The following NET1 variants were observed in gnomAD, a reference collection of about 807,000 sequenced individuals.
NET1 encodes neuroepithelial cell-transforming gene 1 protein.
NET1 carries 42 observed loss-of-function variants against 61.1 expected under a neutral mutation model. The observed-to-expected ratio is 0.69, with a 90% CI of 0.54 to 0.89. The LOEUF (loss-of-function observed/expected upper bound fraction) is 0.89. NET1 is among the 40% of genes least tolerant of loss of function. The pLI, the probability that NET1 is intolerant of heterozygous loss-of-function variation, is 0.00. For synonymous variants in NET1, 254 were observed against 281.8 expected, an observed-to-expected ratio of 0.90 and a Z score of 0.99; for missense variants, 654 against 747.3, an observed-to-expected ratio of 0.88 and a Z score of 1.46.
Position 5,443,563 on chromosome 10 carries a change from T to C in NET1, c.256-8267T>C, listed in dbSNP as rs1168546402. ...GTTTTATGCAGCATTGTGACAAGAC[T>C]CAAGATTCTTGAGTCCAGTTGAACT... On this transcript the variant is annotated intron_variant, in intron 3 of 11. Coordinates refer to ENST00000355029, the MANE Select transcript of NET1 (RefSeq NM_001047160.3). This position sits in a 1 kb window ranked among gnomAD's most constrained non-coding sequence, Gnocchi z 4.8. Among the ~76,000 whole-genome samples the C allele has an allele frequency of 1.3e-5, 2 of 152,180 alleles. No individual in the cohort carries two copies. The highest frequency in any genetic ancestry group is 4.8e-5 in the African/African-American group (2 of 41,440).
At position 5,453,708 on chromosome 10, in the gene NET1, G is replaced by A; in HGVS notation, c.768+148G>A. On this transcript the variant is annotated intron_variant, in intron 8 of 11. Coordinates refer to ENST00000355029, the MANE Select transcript of NET1 (RefSeq NM_001047160.3). This position sits in a 1 kb window ranked among gnomAD's most constrained non-coding sequence, Gnocchi z 4.9. ...ACTGAACAAATTTACAGTGACATAA[G>A]AAGTTACAGTCTGTTTAAAAAAAAA... 1 of 606,304 alleles carries A rather than the reference G, an allele frequency of 1.6e-6. No homozygotes were observed. The highest frequency in any genetic ancestry group is 3.0e-5 in the Admixed American group (1 of 33,392). The allele number at this position is 606,304 out of a possible 1,614,324, so 37.6% of individuals were successfully genotyped here.
chr10:5,418,858 T>A (rs1230576552), intron 1 of NET1, among the ~76,000 whole-genome samples: 1 of 152,236 alleles, frequency 6.6e-6, no homozygotes, highest in Non-Finnish European at 1.5e-5. Context: ...AATTTTGATA[T>A]ATTGTGTCTT....
rs1832634718 is a variant in NET1 at position 5,447,555 on chromosome 10, G to A, written c.256-4275G>A. Among the ~76,000 whole-genome samples, 1 of 152,110 alleles carries A rather than the reference G, an allele frequency of 6.6e-6. No individual in the cohort carries two copies. Among genetic ancestry groups the A allele is most frequent in the Non-Finnish European group, 1.5e-5 (1 of 68,028 alleles). The stretch of plus-strand genomic sequence containing the variant: ...CTTATATGCTAGGAATAGTGTTCCT[G>A]CATTCAGTTAACTGTGTATCTCTTG... On this transcript the variant is annotated intron_variant, in intron 3 of 11. Transcript: ENST00000355029. This position sits in a 1 kb window ranked among gnomAD's most constrained non-coding sequence, Gnocchi z 4.1.
rs2119167229 is a variant in NET1 at position 5,420,155 on chromosome 10, A to T, written c.129-6500A>T. On this transcript the variant is annotated intron_variant, in intron 1 of 11. Coordinates refer to ENST00000355029, the MANE Select transcript of NET1 (RefSeq NM_001047160.3). The surrounding 1 kb of genome is among the most constrained non-coding windows in gnomAD (Gnocchi z 5.3). ...CTGATATTCCCATTATGTGTATTTG[A>T]AGGGAAATATAGCAAATAAAACAAA... Among the ~76,000 whole-genome samples the T allele has an allele frequency of 6.6e-6, 1 of 152,280 alleles. No individual in the cohort carries two copies. Among genetic ancestry groups the T allele is most frequent in the South Asian group, 2.1e-4 (1 of 4,828 alleles).
In NET1 at chr10:5,446,883, G is replaced by A; in HGVS notation, c.256-4947G>A. ...GGTAAGACTTTAAGAGAAACGTTAG[G>A]CAAAAGGAATGTTTTCTAACTCCAC... On this transcript the variant is annotated intron_variant, in intron 3 of 11. Transcript: ENST00000355029. The surrounding 1 kb of genome is among the most constrained non-coding windows in gnomAD (Gnocchi z 5.0). The A allele has an allele frequency of 2.5e-6, 4 of 1,576,514 alleles. No homozygotes were observed. The highest frequency in any genetic ancestry group is 3.5e-6 in the Non-Finnish European group (4 of 1,156,016).
In NET1 at chr10:5,429,180, G is replaced by A. The variant is rs201465257; in HGVS notation, c.206G>A (p.Arg69His). The A allele has an allele frequency of 9.8e-5, 158 of 1,608,236 alleles. No homozygotes were observed. Among genetic ancestry groups the A allele is most frequent in the Non-Finnish European group, 1.3e-4 (150 of 1,176,554 alleles). Reference sequence around the variant, plus strand: ...CTATTTTTCTTTTAGAAAAGAAAACGCAGAGAGAAAGATGATGATGTTGTA... The same window carrying A: ...CTATTTTTCTTTTAGAAAAGAAAACACAGAGAGAAAGATGATGATGTTGTA... ...PNWDFTLKRK[R>H]REKDDDVVSL... is the part of the protein sequence containing the mutation. The change falls in exon 3 of 12, where the codon CGC becomes CAC. Residue 69 changes from arginine (R) to histidine (H), a missense_variant. Coordinates refer to ENST00000355029, the MANE Select transcript of NET1 (RefSeq NM_001047160.3).
In NET1 at chr10:5,427,905, T is replaced by C. The variant is rs964359601; in HGVS notation, c.195+1184T>C. ...TTTAGTGTGAATTTAGTTTTCAACTTGTACACAAAATCTTGGTTCAGATAG... is the reference window on the plus strand; with the variant it reads ...TTTAGTGTGAATTTAGTTTTCAACTCGTACACAAAATCTTGGTTCAGATAG... On this transcript the variant is annotated intron_variant, in intron 2 of 11. Transcript: ENST00000355029. This position sits in a 1 kb window ranked among gnomAD's most constrained non-coding sequence, Gnocchi z 4.1. 3.9e-5 allele frequency among the ~76,000 whole-genome samples: 6 copies of C among 152,216 alleles called. No homozygotes were observed. The highest frequency in any genetic ancestry group is 1.4e-4 in the African/African-American group (6 of 41,456).
At chr10:5,425,978 C>T (rs1832252993) in intron 1 of NET1, among the ~76,000 whole-genome samples, 2 of 151,966 alleles carry the variant, frequency 1.3e-5, no homozygotes, top group Non-Finnish European at 2.9e-5. Context: ...AAACATATGG[C>T]GGCTTATATT....
At position 5,443,562 on chromosome 10, in the gene NET1, C is replaced by T. The variant is rs1402393735; in HGVS notation, c.256-8268C>T. Among the ~76,000 whole-genome samples, 2 of 152,128 alleles carry T rather than the reference C, an allele frequency of 1.3e-5. No homozygotes were observed. Among genetic ancestry groups the T allele is most frequent in the Admixed American group, 6.5e-5 (1 of 15,280 alleles). ...GGTTTTATGCAGCATTGTGACAAGA[C>T]TCAAGATTCTTGAGTCCAGTTGAAC... On this transcript the variant is annotated intron_variant, in intron 3 of 11. Coordinates refer to ENST00000355029, the MANE Select transcript of NET1 (RefSeq NM_001047160.3). The surrounding 1 kb of genome is among the most constrained non-coding windows in gnomAD (Gnocchi z 4.8).
intron 3 of NET1, among the ~76,000 whole-genome samples, chr10:5,445,176 G>T (rs1290558656): frequency 6.6e-6 from 1 of 152,144 alleles, no homozygotes; most frequent in African/African-American, 2.4e-5. Flanking sequence ...CACAGCCCGT[G>T]ATCTCAGTGT....
intron 3 of NET1, among the ~76,000 whole-genome samples, chr10:5,448,194 A>G (rs1175200017): frequency 6.6e-6 from 1 of 152,138 alleles, no homozygotes; most frequent in Non-Finnish European, 1.5e-5. Flanking sequence ...TTTTTTATTC[A>G]GTGTCTTGAT....
rs1832458583 is a variant in NET1, at chr10:5,437,675, T to TC, written c.255+8446_255+8447insC. Reference sequence around the variant, plus strand: ...CTCTGTATTTTCCCTAGTATTTTTTTTTTTAACCAACTATTGGGATAGATA... The same window carrying TC: ...CTCTGTATTTTCCCTAGTATTTTTTTCTTTTAACCAACTATTGGGATAGATA... On this transcript the variant is annotated intron_variant, in intron 3 of 11. Transcript: ENST00000355029. The surrounding 1 kb of genome is among the most constrained non-coding windows in gnomAD (Gnocchi z 4.3). 6.6e-6 allele frequency among the ~76,000 whole-genome samples: 1 copy of TC among 151,866 alleles called. No individual in the cohort carries two copies. Among genetic ancestry groups the TC allele is most frequent in the East Asian group, 1.9e-4 (1 of 5,194 alleles).
At position 5,447,612 on chromosome 10, in the gene NET1, C is replaced by T. The variant is rs1319691245; in HGVS notation, c.256-4218C>T. On this transcript the variant is annotated intron_variant, in intron 3 of 11. Transcript: ENST00000355029. This position sits in a 1 kb window ranked among gnomAD's most constrained non-coding sequence, Gnocchi z 4.1. ...GTAGTGGTTTCCGTCTCTATACACA[C>T]GTCAAAACTTATCTAATTGTGCATT... 4.6e-5 allele frequency among the ~76,000 whole-genome samples: 7 copies of T among 152,172 alleles called. No individual in the cohort carries two copies. Among genetic ancestry groups the T allele is most frequent in the Non-Finnish European group, 1.0e-4 (7 of 68,034 alleles).
rs763197069 is a variant in NET1 at position 5,456,790 on chromosome 10, G to A, written c.1587G>A (p.Ala529=). 1.4e-5 allele frequency: 22 copies of A among 1,613,022 alleles called. No homozygotes were observed. The highest frequency in any genetic ancestry group is 3.3e-4 in the Middle Eastern group (2 of 6,072). ...AGTGTGAGGGGAACCACCCCTCTGC[G>A]AGGAAACTCACAGCCCAGAGGAGGG... ...HEECEGNHPS[A]RKLTAQRRAS... The change falls in exon 12 of 12, where the codon GCG becomes GCA. Residue 529 remains alanine (A), a synonymous_variant. Coordinates refer to ENST00000355029, the MANE Select transcript of NET1 (RefSeq NM_001047160.3). The surrounding 1 kb of genome is among the most constrained non-coding windows in gnomAD (Gnocchi z 7.0).
In NET1 at chr10:5,454,667, C is replaced by A; in HGVS notation, c.1026+145C>A. 1.0e-6 allele frequency: 1 copy of A among 976,008 alleles called. No individual in the cohort carries two copies. The highest frequency in any genetic ancestry group is 1.5e-6 in the Non-Finnish European group (1 of 668,086). The allele number at this position is 976,008 out of a possible 1,614,324, so 60.5% of individuals were successfully genotyped here. A position where few individuals can be genotyped will look rare whatever the true frequency, so the allele number is the denominator to read the frequency against. On this transcript the variant is annotated intron_variant, in intron 9 of 11. Coordinates refer to ENST00000355029, the MANE Select transcript of NET1 (RefSeq NM_001047160.3). This position sits in a 1 kb window ranked among gnomAD's most constrained non-coding sequence, Gnocchi z 8.1. ...GTACCCAGTGCGTTAGTACGCTGTG[C>A]ACTAAGCAATAAGGAGCTGTGTATG...
intron 3 of NET1, among the ~76,000 whole-genome samples, chr10:5,434,449 C>T (rs559890194): frequency 6.6e-6 from 1 of 152,260 alleles, no homozygotes; most frequent in East Asian, 1.9e-4. Flanking sequence ...AGAACAAGAT[C>T]CTTCAGAGCC....
At chr10:5,445,557 A>G (rs1832593811) in intron 3 of NET1, among the ~76,000 whole-genome samples, 1 of 152,206 alleles carries the variant, frequency 6.6e-6, no homozygotes, top group Non-Finnish European at 1.5e-5. Context: ...TATTTTTCCA[A>G]CATACTACCA....
At chr10:5,429,030 G>A in intron 2 of NET1, 140 bp from the exon 3 acceptor site, 1 of 547,568 alleles carries the variant, frequency 1.8e-6, no homozygotes, top group East Asian at 3.2e-5. Flanking sequence ...CACCGCGCCT[G>A]GCCTCAAAGT....
At position 5,456,128 on chromosome 10, in the gene NET1, T is replaced by C; in HGVS notation, c.1239T>C (p.Thr413=). Residue 413 remains threonine (T), a synonymous_variant, in exon 11 of 12, where the codon ACT becomes ACC. Coordinates refer to ENST00000355029, the MANE Select transcript of NET1 (RefSeq NM_001047160.3). This position sits in a 1 kb window ranked among gnomAD's most constrained non-coding sequence, Gnocchi z 7.0. ...IFLFQDILVL[T]RPVTRNERHS... is the part of the protein sequence containing the mutation. ...TGTTTCAAGACATCTTGGTTCTGAC[T>C]CGGCCCGTCACACGGAACGAACGGC... 6.2e-7 allele frequency: 1 copy of C among 1,614,160 alleles called. No individual in the cohort carries two copies. Among genetic ancestry groups the C allele is most frequent in the Non-Finnish European group, 8.5e-7 (1 of 1,180,014 alleles).
Sources: gnomAD v4.1 joint callset for allele counts (sites outside exome capture counted in the v4.1 genomes callset) on GRCh38, gnomAD v4.1.1 for gene constraint, Gnocchi (gnomAD v3.1) non-coding constraint, MANE v1.5 for transcripts, NCBI Gene and HGNC (gene_info 2026-07-23, HGNC 2026-07-21) for gene names.